Variants in TLL1 observed in about 807,000 individuals in gnomAD.
TLL1 encodes tolloid like 1, also known as tolloid-like protein 1.
TLL1 carries 49 observed loss-of-function variants against 128.2 expected under a neutral mutation model. That is an observed-to-expected ratio of 0.38 (90% CI 0.30 to 0.48). The LOEUF (loss-of-function observed/expected upper bound fraction) is 0.48. Ranked by LOEUF, TLL1 falls within the 20% of genes least tolerant of loss-of-function variation. TLL1 has a pLI of 0.96. For synonymous variants in TLL1, 454 were observed against 418.8 expected (o/e 1.08, Z -1.03); for missense variants, 1,123 against 1,242.0 (o/e 0.90, Z 1.44).
In TLL1 at chr4:165,873,500, G is replaced by C. The variant is rs1730582894; in HGVS notation, c.-405G>C. The C allele has an allele frequency of 6.5e-6, 1 of 154,630 alleles. No homozygotes were observed. The highest frequency in any genetic ancestry group is 1.4e-5 in the Non-Finnish European group (1 of 70,000). The allele number at this position is 154,630 out of a possible 1,614,324, so 9.6% of individuals were successfully genotyped here. A position where few individuals can be genotyped will look rare whatever the true frequency, so the allele number is the denominator to read the frequency against. On this transcript the variant is annotated 5_prime_UTR_variant, in exon 1 of 21. Coordinates refer to ENST00000061240, the MANE Select transcript of TLL1 (RefSeq NM_012464.5). ...CAGCGGGGACGCGGCGCGGGAGTCC[G>C]AGCTCTGGTGGCAGCTGAGCCCGCG... is the stretch of plus-strand genomic sequence containing the variant.
At chr4:165,996,626 A>G (rs963800587) in intron 5 of TLL1, among the ~76,000 whole-genome samples, 1 of 151,892 alleles carries the variant, frequency 6.6e-6, no homozygotes, top group East Asian at 1.9e-4. Flanking sequence ...AAACAAACAA[A>G]CAAACATTAT....
intron 18 of TLL1, among the ~76,000 whole-genome samples, chr4:166,079,030 CTTCCAATCTCTATACTTG>C: frequency 6.6e-6 from 1 of 152,134 alleles, no homozygotes; most frequent in South Asian, 2.1e-4. Context: ...TATGGAGGTC[CTTCCAATCTCTATACTTG>C]TAAGTGACTT....
At position 165,971,741 on chromosome 4, in the gene TLL1, TA is replaced by T. The variant is rs566390123; in HGVS notation, c.170-17639del. Among the ~76,000 whole-genome samples the T allele has an allele frequency of 3.1e-3, 476 of 152,340 alleles. 2 individuals carry two copies. Among genetic ancestry groups the T allele is most frequent in the African/African-American group, 0.011 (449 of 41,578 alleles). ...GCCTTTTAAAATTTTTTAAAAATTT[TA>T]GATGTTTTCTTCTTATCCACTTTTA... is the stretch of plus-strand genomic sequence containing the variant. On this transcript the variant is annotated intron_variant, in intron 1 of 20. Transcript: ENST00000061240.
chr4:165,896,118 T>C (rs965362299), intron 1 of TLL1, among the ~76,000 whole-genome samples: 1 of 152,088 alleles, frequency 6.6e-6, no homozygotes, highest in Admixed American at 6.5e-5. Context: ...GTGTGTGATG[T>C]TCCCCTCCCT....
intron 9 of TLL1, chr4:166,030,778 T>G (rs1738731843): frequency 9.1e-7 from 1 of 1,094,782 alleles, no homozygotes; most frequent in Admixed American, 5.1e-5. Context: ...GTTTCTGACT[T>G]CTATTATGGC....
chr4:166,006,623 T>C (rs1025989820), intron 6 of TLL1, among the ~76,000 whole-genome samples: 6 of 151,778 alleles, frequency 4.0e-5, no homozygotes, highest in Non-Finnish European at 7.4e-5. Flanking sequence ...TTTTAACAGT[T>C]GCCTCTATCA....
chr4:165,947,279 C>T (rs927294792), intron 1 of TLL1, among the ~76,000 whole-genome samples: 2 of 152,054 alleles, frequency 1.3e-5, no homozygotes, highest in African/African-American at 4.8e-5. Flanking sequence ...AAGACCCCAT[C>T]CTTAAGACTT....
At chr4:166,054,310 G>A (rs965219548) in intron 12 of TLL1, among the ~76,000 whole-genome samples, 8 of 151,960 alleles carry the variant, frequency 5.3e-5, no homozygotes, top group Non-Finnish European at 1.0e-4. Flanking sequence ...TCAGATTTTC[G>A]TTTCAAAAAG....
At chr4:165,911,385 G>T (rs1732519106) in intron 1 of TLL1, among the ~76,000 whole-genome samples, 1 of 151,842 alleles carries the variant, frequency 6.6e-6, no homozygotes, top group Admixed American at 6.6e-5. Flanking sequence ...TCTTTTTTAT[G>T]GCTGAATAGT....
At chr4:165,932,772 G>A (rs904229198) in intron 1 of TLL1, among the ~76,000 whole-genome samples, 2 of 151,526 alleles carry the variant, frequency 1.3e-5, no homozygotes, top group Non-Finnish European at 2.9e-5. Flanking sequence ...TGCAAAAAAG[G>A]CCTTCTATTT....
intron 8 of TLL1, among the ~76,000 whole-genome samples, chr4:166,018,150 G>A (rs193218168): frequency 1.4e-4 from 22 of 152,126 alleles, no homozygotes; most frequent in African/African-American, 5.1e-4. Context: ...TTACTCTTTT[G>A]TCAGAAATTC....
chr4:165,976,089 A>G (rs574106980), intron 1 of TLL1, among the ~76,000 whole-genome samples: 5 of 151,064 alleles, frequency 3.3e-5, no homozygotes, highest in Non-Finnish European at 7.4e-5. Context: ...TGCCATCACT[A>G]CTTATATTCA....
At chr4:166,081,277 C>A (rs1463131589) in intron 18 of TLL1, among the ~76,000 whole-genome samples, 1 of 152,040 alleles carries the variant, frequency 6.6e-6, no homozygotes, top group African/African-American at 2.4e-5. Flanking sequence ...GGGTCTGTAC[C>A]TTTGTCGTAG....
chr4:166,032,933 G>T (rs1738838165), intron 9 of TLL1, among the ~76,000 whole-genome samples: 1 of 152,094 alleles, frequency 6.6e-6, no homozygotes, highest in Admixed American at 6.5e-5. Flanking sequence ...GCCTGAGAAA[G>T]TAGAAAATTT....
chr4:166,070,362 G>C (rs141070236), intron 16 of TLL1, among the ~76,000 whole-genome samples: 1 of 151,826 alleles, frequency 6.6e-6, no homozygotes, highest in East Asian at 1.9e-4. Context: ...TTGGGAACTT[G>C]ACATATTTTA....
chr4:166,082,625 A>C (rs1271154701), intron 18 of TLL1, among the ~76,000 whole-genome samples: 1 of 152,098 alleles, frequency 6.6e-6, no homozygotes, highest in African/African-American at 2.4e-5. Context: ...TGCGCAAAAT[A>C]AAAGCATTTT....
chr4:165,924,657 T>C (rs1733188396), intron 1 of TLL1, among the ~76,000 whole-genome samples: 1 of 152,102 alleles, frequency 6.6e-6, no homozygotes, highest in South Asian at 2.1e-4. Context: ...GCTAAGATCA[T>C]TGATGGAGGT....
chr4:165,964,972 CAATAAA>C (rs1025340632), intron 1 of TLL1, among the ~76,000 whole-genome samples: 2 of 151,608 alleles, frequency 1.3e-5, no homozygotes, highest in Non-Finnish European at 2.9e-5. Context: ...TAAATAAATG[CAATAAA>C]AATAAATAGA....
intron 9 of TLL1, among the ~76,000 whole-genome samples, chr4:166,034,577 G>A (rs1452107836): frequency 6.6e-6 from 1 of 152,118 alleles, no homozygotes; most frequent in Non-Finnish European, 1.5e-5. Flanking sequence ...AAAATTAAAA[G>A]CCAAAGCACA....
Sources: allele counts gnomAD v4.1 joint callset (sites outside exome capture counted in the v4.1 genomes callset), GRCh38; gene constraint gnomAD v4.1.1; transcripts MANE v1.5; gene names NCBI Gene and HGNC (gene_info 2026-07-23, HGNC 2026-07-21).